CDC25C: variants seen among roughly 807,000 people sequenced by gnomAD.
The protein encoded by CDC25C is cell division cycle 25C.
CDC25C carries 48 observed loss-of-function variants against 52.5 expected under a neutral mutation model. The observed-to-expected ratio is 0.91, with a 90% CI of 0.72 to 1.16. CDC25C has a LOEUF of 1.16. Among genes scored for constraint, CDC25C ranks in the 50% most tolerant of loss-of-function variants. CDC25C has a pLI of 0.00. For missense variants in CDC25C, 510 were observed against 566.1 expected, an observed-to-expected ratio of 0.90 and a Z score of 1.01; for synonymous variants, 187 against 206.5, an observed-to-expected ratio of 0.91 and a Z score of 0.81.
At chr5:138,334,347 C>A (rs1358897532), upstream of CDC25C, among the ~76,000 whole-genome samples, 1 of 152,102 alleles carries the variant, frequency 6.6e-6, no homozygotes, top group Non-Finnish European at 1.5e-5. Flanking sequence ...AGACTGTCTC[C>A]TAAAAACAAC....
intron 10 of CDC25C, among the ~76,000 whole-genome samples, chr5:138,288,066 C>G (rs1256497149): frequency 1.3e-5 from 2 of 151,976 alleles, no homozygotes; most frequent in Non-Finnish European, 2.9e-5. Flanking sequence ...ACTATACGTT[C>G]ATCATGATCC....
chr5:138,330,947 T>C (rs753157768), intron 2 of CDC25C, 40 bp downstream of exon 2: 1 of 1,381,836 alleles, frequency 7.2e-7, no homozygotes, highest in Non-Finnish European at 1.0e-6. Context: ...TGTTTGGAAA[T>C]AGCAAAGGCA....
chr5:138,336,275 G>C (rs1760698611), upstream of CDC25C, among the ~76,000 whole-genome samples: 5 of 152,046 alleles, frequency 3.3e-5, no homozygotes, highest in Admixed American at 3.3e-4. Flanking sequence ...TGGGATTACA[G>C]ATGGGCGCCA....
chr5:138,297,067 C>A (rs72492412), intron 7 of CDC25C, among the ~76,000 whole-genome samples: 1 of 149,036 alleles, frequency 6.7e-6, no homozygotes, highest in Non-Finnish European at 1.5e-5. Flanking sequence ...TCCGCCACCA[C>A]GCCAGGCTAA....
At chr5:138,302,928 G>A (rs927050645) in intron 7 of CDC25C, among the ~76,000 whole-genome samples, 2 of 151,798 alleles carry the variant, frequency 1.3e-5, no homozygotes, top group East Asian at 3.9e-4. Context: ...AACTAGCCAG[G>A]GGTGACTGTG....
chr5:138,298,942 C>T (rs1055996550), intron 7 of CDC25C, among the ~76,000 whole-genome samples: 7 of 150,560 alleles, frequency 4.6e-5, no homozygotes, highest in Non-Finnish European at 3.0e-5. Flanking sequence ...CCTGTAATCC[C>T]AGCACTTTGG....
intron 2 of CDC25C, 145 bp downstream of exon 2, chr5:138,330,842 A>G: frequency 1.6e-6 from 1 of 618,842 alleles, no homozygotes. Flanking sequence ...AGAAGGTGAG[A>G]CTCAAAAGGG....
In CDC25C at chr5:138,285,703, T is replaced by G. The variant is rs1276957926; in HGVS notation, c.1411A>C (p.Met471Leu). The G allele has an allele frequency of 6.2e-7, 1 of 1,614,042 alleles. No homozygotes were observed. Among genetic ancestry groups the G allele is most frequent in the Non-Finnish European group, 8.5e-7 (1 of 1,179,982 alleles). Residue 471 changes from methionine to leucine, a missense_variant, in exon 14 of 14, where the codon ATG becomes CTG. By Grantham distance (15) the Met-to-Leu change is conservative. Coordinates refer to ENST00000323760, the MANE Select transcript of CDC25C (RefSeq NM_001790.5). ...TGGCTGGAATGTTATCATGGGCTCA[T>G]GTCCTTCACCAGAAGGGCAATCTGC... is the stretch of plus-strand genomic sequence containing the variant. ...REQIALLVKD[M>L]SP
chr5:138,314,428 T>C (rs923449677), intron 7 of CDC25C, among the ~76,000 whole-genome samples: 6 of 151,368 alleles, frequency 4.0e-5, no homozygotes, highest in Non-Finnish European at 5.9e-5. Flanking sequence ...CCCAAGTAGC[T>C]GGCATTACAG....
chr5:138,313,894 G>A (rs1423644641), intron 7 of CDC25C, among the ~76,000 whole-genome samples: 1 of 151,516 alleles, frequency 6.6e-6, no homozygotes, highest in Non-Finnish European at 1.5e-5. Context: ...TCATTATACT[G>A]TTGTCACCAT....
At chr5:138,285,885 A>C (rs757640519) in intron 13 of CDC25C, 44 bp from the exon 14 acceptor site, 1 of 1,604,696 alleles carries the variant, frequency 6.2e-7, no homozygotes, top group South Asian at 1.1e-5. Context: ...AGACTCCTGA[A>C]CTCTACCTAT....
chr5:138,313,401 A>AAAAG (rs1758607496), intron 7 of CDC25C, among the ~76,000 whole-genome samples: 1 of 149,870 alleles, frequency 6.7e-6, no homozygotes, highest in African/African-American at 2.4e-5. Flanking sequence ...AAAAAAAAAA[A>AAAAG]AGAGAGAATT....
chr5:138,318,443 G>T (rs1034237616), intron 7 of CDC25C, among the ~76,000 whole-genome samples: 5 of 152,192 alleles, frequency 3.3e-5, no homozygotes, highest in Non-Finnish European at 5.9e-5. Flanking sequence ...GCTGGGCATG[G>T]TGGCTCACGC....
rs528110114 is a variant in CDC25C at position 138,315,112 on chromosome 5, T to A, written c.615+4107A>T. On this transcript the variant is annotated intron_variant, in intron 7 of 13. Coordinates refer to ENST00000323760, the MANE Select transcript of CDC25C (RefSeq NM_001790.5). ...CCACGCCCAGCTAATTTTTGTATTT[T>A]TAGTAGAGATGGAGTTTCACCATGT... 3.8e-4 allele frequency among the ~76,000 whole-genome samples: 58 copies of A among 151,356 alleles called. 1 individual carries two copies. The highest frequency in any genetic ancestry group is 3.4e-3 in the Middle Eastern group (1 of 294).
upstream of CDC25C, among the ~76,000 whole-genome samples, chr5:138,334,395 T>C (rs1463692597): frequency 6.6e-6 from 1 of 152,112 alleles, no homozygotes; most frequent in Non-Finnish European, 1.5e-5. Context: ...AGTTTCTTTC[T>C]TGTTGCCTAG....
At chr5:138,305,140 T>C (rs539269950) in intron 7 of CDC25C, among the ~76,000 whole-genome samples, 81 of 152,322 alleles carry the variant, frequency 5.3e-4, no homozygotes, top group Admixed American at 1.9e-3. Flanking sequence ...TTGTCATATA[T>C]GATTCCTTCA....
rs769859825 is a variant in CDC25C, at chr5:138,329,660, A to G, written c.195-13T>C. The G allele has an allele frequency of 1.4e-6, 2 of 1,457,290 alleles. No homozygotes were observed. Among genetic ancestry groups the G allele is most frequent in the South Asian group, 1.1e-5 (1 of 87,470 alleles). The allele number at this position is 1,457,290 out of a possible 1,614,324, so 90.3% of individuals were successfully genotyped here. A position where few individuals can be genotyped will look rare whatever the true frequency, so the allele number is the denominator to read the frequency against. ...TTTTGGGGTTCCTCTGTTGAGACAT[A>G]ATAGTACATCGAAATTCCCATTAGA... is the stretch of plus-strand genomic sequence containing the variant. On this transcript the variant is annotated splice_polypyrimidine_tract_variant and intron_variant, in intron 2 of 13. Coordinates refer to ENST00000323760, the MANE Select transcript of CDC25C (RefSeq NM_001790.5).
Position 138,286,332 on chromosome 5 carries a change from C to T in CDC25C, c.1160+165G>A, listed in dbSNP as rs186602682. On this transcript the variant is annotated intron_variant, in intron 12 of 13. Coordinates refer to ENST00000323760, the MANE Select transcript of CDC25C (RefSeq NM_001790.5). ...TCCACTGCAGCCTCATTCTCAATCC[C>T]TTTTCCTTTATTGTTTCAAACTTTT... 3.3e-5 allele frequency among the ~76,000 whole-genome samples: 5 copies of T among 152,328 alleles called. No homozygotes were observed. The East Asian group carries it at 9.6e-4, about 29-fold the overall frequency.
At chr5:138,307,611 T>A (rs1758122488) in intron 7 of CDC25C, among the ~76,000 whole-genome samples, 1 of 152,052 alleles carries the variant, frequency 6.6e-6, no homozygotes, top group Non-Finnish European at 1.5e-5. Context: ...AAACATTTTT[T>A]ATTTAATTAT....
Sources: gnomAD v4.1 joint callset for allele counts (sites outside exome capture counted in the v4.1 genomes callset) on GRCh38, gnomAD v4.1.1 for gene constraint, MANE v1.5 for transcripts, NCBI Gene and HGNC (gene_info 2026-07-23, HGNC 2026-07-21) for gene names.